PUDP: variants seen among roughly 807,000 people sequenced by gnomAD.
The protein encoded by PUDP is pseudouridine 5'-phosphatase, also known as pseudouridine-5'-phosphatase.
PUDP carries 8 observed loss-of-function variants against 9.4 expected under a neutral mutation model. The observed-to-expected ratio is 0.85, with a 90% confidence interval of 0.50 to 1.53. The LOEUF (loss-of-function observed/expected upper bound fraction) is 1.53. Ranked by LOEUF, PUDP falls within the 40% of genes most tolerant of loss-of-function variation. The pLI, the probability that PUDP is intolerant of heterozygous loss-of-function variation, is 0.00. For synonymous variants in PUDP, 99 were observed against 80.7 expected, an observed-to-expected ratio of 1.23 and a Z score of -1.22; for missense variants, 188 against 189.7, an observed-to-expected ratio of 0.99 and a Z score of 0.05.
At chrX:7,137,812 C>T (rs1259776366) in intron 1 of PUDP, among the ~76,000 whole-genome samples, 4 of 112,087 alleles carry the variant, frequency 3.6e-5, no homozygotes, top group South Asian at 3.7e-4. Flanking sequence ...CCTCTGTCCC[C>T]GGCAGCCTCC....
chrX:6,866,815 C>T (rs139755469), intron 3 of PUDP, among the ~76,000 whole-genome samples: 2,251 of 111,600 alleles, frequency 0.02, 58 homozygotes, highest in African/African-American at 0.07. Flanking sequence ...GATGAGATTC[C>T]CAGCTCTATG....
intron 1 of PUDP, among the ~76,000 whole-genome samples, chrX:6,979,138 C>T (rs1331764370): frequency 8.9e-6 from 1 of 111,901 alleles, no homozygotes; most frequent in Admixed American, 9.5e-5. Context: ...TTTGTTATGT[C>T]GCGTAATAGT....
chrX:6,752,530 G>C (rs1925111456), intron 3 of PUDP, among the ~76,000 whole-genome samples: 2 of 111,883 alleles, frequency 1.8e-5, no homozygotes, highest in South Asian at 3.8e-4. Context: ...TGTAGAGACA[G>C]GATAAAGCAA....
At chrX:7,016,171 A>T (rs1929546231) in intron 1 of PUDP, among the ~76,000 whole-genome samples, 1 of 108,946 alleles carries the variant, frequency 9.2e-6, no homozygotes, top group South Asian at 4.2e-4. Flanking sequence ...TCTCTGCAAA[A>T]AATTAAAAAA....
At chrX:6,998,296 C>A (rs1929277646) in intron 1 of PUDP, among the ~76,000 whole-genome samples, 1 of 110,895 alleles carries the variant, frequency 9.0e-6, no homozygotes, top group Non-Finnish European at 1.9e-5. Context: ...CCAAAAGAAA[C>A]CAGGAATGGA....
At chrX:7,086,394 G>T (rs189792190) in intron 2 of PUDP, among the ~76,000 whole-genome samples, 80 of 112,268 alleles carry the variant, frequency 7.1e-4, no homozygotes, top group Non-Finnish European at 1.1e-3. Context: ...AGGAAATCTG[G>T]CTAATATAGA....
At chrX:6,890,701 G>A (rs1370690110) in intron 3 of PUDP, among the ~76,000 whole-genome samples, 1 of 110,118 alleles carries the variant, frequency 9.1e-6, no homozygotes, top group Non-Finnish European at 1.9e-5. Context: ...GCTGTATAGC[G>A]AAAATACATG....
chrX:6,933,306 G>C (rs1928234224), intron 3 of PUDP, among the ~76,000 whole-genome samples: 1 of 111,138 alleles, frequency 9.0e-6, no homozygotes, highest in Non-Finnish European at 1.9e-5. Context: ...GGAATGATCA[G>C]ACAGCAGCAT....
rs1346050209 is a variant in PUDP, at chrX:7,103,951, AAT to A, written c.280+1667_280+1668del. On this transcript the variant is annotated intron_variant, in intron 2 of 3. Transcript: ENST00000381077. Reference sequence around the variant, plus strand: ...GGAACCCTTATAGATTTTTGGTGGGAATATACAATGGTGTAACAACTATGGAA... The same window carrying A: ...GGAACCCTTATAGATTTTTGGTGGGAATACAATGGTGTAACAACTATGGAA... Among the ~76,000 whole-genome samples, 4 of 112,217 alleles carry A rather than the reference AAT, an allele frequency of 3.6e-5. No homozygotes were observed. The Admixed American group carries it at 3.8e-4, about 11-fold the overall frequency.
In PUDP at chrX:7,031,296, G is replaced by T. The variant is rs1031559799; in HGVS notation, c.204+45924C>A. Among the ~76,000 whole-genome samples the T allele has an allele frequency of 8.9e-5, 10 of 112,007 alleles. No homozygotes were observed. The East Asian group carries it at 1.4e-3, about 16-fold the overall frequency. On this transcript the variant is annotated intron_variant and NMD_transcript_variant, in intron 1 of 3. Transcript: ENST00000655425. ...TTTTACTCAGCCTTTATTCAAGATG[G>T]AGTTGCTCTTGTTCAAATGTCTCTG...
intron 3 of PUDP, among the ~76,000 whole-genome samples, chrX:6,807,392 C>T (rs774840021): frequency 8.9e-6 from 1 of 112,055 alleles, no homozygotes; most frequent in Non-Finnish European, 1.9e-5. Context: ...TCCCTGATAA[C>T]CAAAGTACCG....
chrX:7,066,977 A>T (rs1930574651), intron 3 of PUDP, among the ~76,000 whole-genome samples: 1 of 111,942 alleles, frequency 8.9e-6, no homozygotes, highest in Non-Finnish European at 1.9e-5. Context: ...CTGCCTTTAA[A>T]AGGGAAATAG....
chrX:6,832,524 G>A (rs1220769623), intron 3 of PUDP, among the ~76,000 whole-genome samples: 1 of 111,946 alleles, frequency 8.9e-6, no homozygotes, highest in African/African-American at 3.2e-5. Flanking sequence ...GCATGTTAAC[G>A]GCAATCTCAG....
intron 2 of PUDP, among the ~76,000 whole-genome samples, chrX:7,096,953 A>T (rs1182269923): frequency 9.0e-6 from 1 of 111,245 alleles, no homozygotes; most frequent in Non-Finnish European, 1.9e-5. Flanking sequence ...GCGAAAAATG[A>T]TGTGTTTCAT....
At chrX:6,905,398 C>A (rs6529998) in intron 3 of PUDP, among the ~76,000 whole-genome samples, 15,759 of 111,277 alleles carry the variant, frequency 0.14, 1,349 homozygotes, top group East Asian at 0.34. Context: ...ACCATAAAGA[C>A]ATACCTGAGA....
chrX:6,790,024 A>C (rs1325537616), intron 3 of PUDP, among the ~76,000 whole-genome samples: 1 of 110,900 alleles, frequency 9.0e-6, no homozygotes, highest in Non-Finnish European at 1.9e-5. Context: ...TAGAGAAAAA[A>C]GGTAGATGAT....
intron 3 of PUDP, among the ~76,000 whole-genome samples, chrX:6,801,922 T>A (rs1203959486): frequency 9.0e-6 from 1 of 111,475 alleles, no homozygotes; most frequent in Non-Finnish European, 1.9e-5. Flanking sequence ...AGGAAACAAA[T>A]ACAGGAATAA....
intron 1 of PUDP, among the ~76,000 whole-genome samples, chrX:6,988,934 G>A (rs1348542987): frequency 9.0e-6 from 1 of 111,163 alleles, no homozygotes; most frequent in African/African-American, 3.3e-5. Context: ...TGAAACAGTT[G>A]TTACGGAGGC....
chrX:6,779,309 T>G (rs1925518757), intron 3 of PUDP, among the ~76,000 whole-genome samples: 1 of 111,774 alleles, frequency 8.9e-6, no homozygotes, highest in South Asian at 3.8e-4. Context: ...AGAAGACCTG[T>G]GCTGTGCCGA....
Sources: allele counts gnomAD v4.1 joint callset (sites outside exome capture counted in the v4.1 genomes callset), GRCh38; gene constraint gnomAD v4.1.1; transcripts MANE v1.5; gene names NCBI Gene and HGNC (gene_info 2026-07-23, HGNC 2026-07-21).